Variants in RBFOX1 observed in about 807,000 individuals in gnomAD.
RBFOX1 encodes RNA binding protein fox-1 homolog 1.
RBFOX1 carries 8 observed loss-of-function variants against 57.7 expected under a neutral mutation model. The ratio of observed to expected loss-of-function variants is 0.14; its 90% CI spans 0.08 to 0.25. The LOEUF (loss-of-function observed/expected upper bound fraction) is 0.25. RBFOX1 is among the 10% of genes least tolerant of loss of function. The probability of loss-of-function intolerance (pLI) is 1.00; values close to 1 mark genes in which losing one functional copy is unlikely to be tolerated. For missense variants in RBFOX1, 611 were observed against 548.5 expected (o/e 1.11, Z -1.14); for synonymous variants, 326 against 222.4 (o/e 1.47, Z -4.15).
intron 3 of RBFOX1, among the ~76,000 whole-genome samples, chr16:6,870,455 C>T (rs1450883863): frequency 2.0e-5 from 3 of 152,162 alleles, no homozygotes; most frequent in East Asian, 3.8e-4. Flanking sequence ...TTTTAGTTGA[C>T]ACACGTCTGG....
chr16:5,760,234 C>G lies in RBFOX1; in HGVS notation c.319-107069C>G, dbSNP rs555908761. 7.8e-4 allele frequency among the ~76,000 whole-genome samples: 118 copies of G among 151,990 alleles called. 1 individual carries two copies. Among genetic ancestry groups the G allele is most frequent in the African/African-American group, 2.6e-3 (109 of 41,454 alleles). ...CTGGAGAAACTGGAAATCTATGGTC[C>G]CAGGCAAACAGAGACAGTTGGTTGC... is the stretch of plus-strand genomic sequence containing the variant. On this transcript the variant is annotated intron_variant, in intron 3 of 19. Coordinates refer to the RBFOX1 transcript ENST00000641259.
chr16:7,144,475 G>A (rs1057188922), intron 4 of RBFOX1, among the ~76,000 whole-genome samples: 6 of 134,860 alleles, frequency 4.4e-5, no homozygotes, highest in African/African-American at 1.7e-4. Context: ...CTGGAGTGCA[G>A]TGGTGGCACA....
intron 5 of RBFOX1, among the ~76,000 whole-genome samples, chr16:7,572,838 C>CAAATAAATAAATAAATAAATAAAT (rs2092929655): frequency 1.5e-5 from 1 of 68,870 alleles, no homozygotes; most frequent in Non-Finnish European, 3.5e-5. Flanking sequence ...GAGTCTCTCT[C>CAAATAAATAAATAAATAAATAAAT]AAATGAATAA....
chr16:6,714,660 G>A (rs1017088947), intron 3 of RBFOX1, among the ~76,000 whole-genome samples: 4 of 152,114 alleles, frequency 2.6e-5, no homozygotes, highest in African/African-American at 9.7e-5. Flanking sequence ...AGGTCCATGT[G>A]CACTGATATC....
intron 1 of RBFOX1, among the ~76,000 whole-genome samples, chr16:6,124,775 G>A (rs751249638): frequency 1.3e-5 from 2 of 152,010 alleles, no homozygotes; most frequent in East Asian, 1.9e-4. Flanking sequence ...TGATCTGCCC[G>A]CCTTGGCCTT....
chr16:6,621,030 G>T (rs1267062325), intron 2 of RBFOX1, among the ~76,000 whole-genome samples: 1 of 152,176 alleles, frequency 6.6e-6, no homozygotes, highest in Non-Finnish European at 1.5e-5. Context: ...TCTGATCCTT[G>T]CATCTCTTTT....
At chr16:5,970,636 C>G (rs1452526659) in intron 4 of RBFOX1, among the ~76,000 whole-genome samples, 2 of 152,180 alleles carry the variant, frequency 1.3e-5, no homozygotes, top group Admixed American at 1.3e-4. Flanking sequence ...CAAATTAGCA[C>G]CTGCCAGACT....
intron 1 of RBFOX1, among the ~76,000 whole-genome samples, chr16:6,033,954 A>C (rs1157091848): frequency 6.6e-6 from 1 of 152,168 alleles, no homozygotes; most frequent in African/African-American, 2.4e-5. Context: ...TACCGTGATG[A>C]CTGTCATGAA....
chr16:6,204,352 G>T (rs894381298), intron 1 of RBFOX1, among the ~76,000 whole-genome samples: 3 of 152,150 alleles, frequency 2.0e-5, no homozygotes, highest in Non-Finnish European at 4.4e-5. Context: ...CACTCATCCA[G>T]ATGTATTACT....
At chr16:7,355,809 A>G (rs1568381135) in intron 4 of RBFOX1, among the ~76,000 whole-genome samples, 1 of 152,176 alleles carries the variant, frequency 6.6e-6, no homozygotes, top group Non-Finnish European at 1.5e-5. Context: ...GTTTTTGCCA[A>G]TCTGTTGGGT....
At chr16:6,472,107 A>C (rs1465144511) in intron 2 of RBFOX1, among the ~76,000 whole-genome samples, 2 of 152,070 alleles carry the variant, frequency 1.3e-5, no homozygotes, top group Non-Finnish European at 2.9e-5. Flanking sequence ...AATTTACCTG[A>C]TCTTCCCAGC....
chr16:6,984,867 C>G (rs11645282), intron 3 of RBFOX1, among the ~76,000 whole-genome samples: 8 of 152,188 alleles, frequency 5.3e-5, no homozygotes, highest in Middle Eastern at 3.4e-3. Context: ...TCTTGAACTC[C>G]TGACCTCAGC....
rs1279374805 is a variant in RBFOX1, at chr16:7,653,884, G to A, written c.827G>A (p.Gly276Asp). The change falls in exon 12 of 16, where the codon GGT (glycine) becomes GAT (aspartate). Residue 276 changes from glycine (G) to aspartate (D), a missense_variant. Physicochemically the swap from Gly to Asp is moderately conservative, Grantham distance 94. This residue lies in a region of RBFOX1 where 267 missense variants were observed against 229.1 expected (regional missense o/e 1.17). Transcript: ENST00000550418. ...AYRGAHLRGRGRTVYNTFRAA... is the reference protein window; with the variant it reads ...AYRGAHLRGRDRTVYNTFRAA... ...CGAGGGGCGCACCTGCGAGGCCGCG[G>A]TCGCACCGTGTACAACACCTTCAGG... 6.2e-7 allele frequency: 1 copy of A among 1,601,826 alleles called. No individual in the cohort carries two copies. The highest frequency in any genetic ancestry group is 1.7e-5 in the Admixed American group (1 of 59,862).
At chr16:5,448,228 C>G (rs118171689) in intron 1 of RBFOX1, among the ~76,000 whole-genome samples, 1 of 152,142 alleles carries the variant, frequency 6.6e-6, no homozygotes, top group Admixed American at 6.5e-5. Flanking sequence ...GACCTGGACG[C>G]TGCATGTTTT....
intron 4 of RBFOX1, among the ~76,000 whole-genome samples, chr16:7,075,089 A>G (rs115889550): frequency 0.01 from 1,540 of 152,272 alleles, 29 homozygotes; most frequent in African/African-American, 0.035. Context: ...GCCAAGATGA[A>G]GTTCTGTGTT....
chr16:6,467,917 G>A (rs1412388362), intron 2 of RBFOX1, among the ~76,000 whole-genome samples: 1 of 152,168 alleles, frequency 6.6e-6, no homozygotes, highest in African/African-American at 2.4e-5. Context: ...GTAGAATATG[G>A]CCAATAAAGG....
At chr16:5,911,024 T>C (rs779289945) in intron 4 of RBFOX1, among the ~76,000 whole-genome samples, 4 of 152,162 alleles carry the variant, frequency 2.6e-5, no homozygotes, top group South Asian at 2.1e-4. Context: ...ACCTCTCTTA[T>C]CTGTAATCAT....
chr16:6,908,441 C>G (rs78599256), intron 3 of RBFOX1, among the ~76,000 whole-genome samples: 4,748 of 152,168 alleles, frequency 0.031, 209 homozygotes, highest in East Asian at 0.12. Context: ...CCTCTGGCCT[C>G]TGGTGTGACC....
At chr16:7,138,597 G>A (rs986114054) in intron 4 of RBFOX1, among the ~76,000 whole-genome samples, 5 of 152,108 alleles carry the variant, frequency 3.3e-5, no homozygotes, top group Non-Finnish European at 5.9e-5. Context: ...TCATGGCCAG[G>A]AAATGTAACC....
Sources: gnomAD v4.1 joint callset for allele counts (sites outside exome capture counted in the v4.1 genomes callset) on GRCh38, gnomAD v4.1.1 for gene constraint, gnomAD v4.1.1 regional missense constraint, MANE v1.5 for transcripts, NCBI Gene and HGNC (gene_info 2026-07-23, HGNC 2026-07-21) for gene names.